Variants in TTLL11 observed in about 807,000 individuals in gnomAD.
The protein encoded by TTLL11 is tubulin tyrosine ligase like 11.
A neutral mutation model predicts 51.7 loss-of-function variants in TTLL11; 42 were observed. The ratio of observed to expected loss-of-function variants is 0.81; its 90% CI spans 0.64 to 1.05. The LOEUF (loss-of-function observed/expected upper bound fraction) is 1.05. Among genes scored for constraint, TTLL11 ranks in the 50% least tolerant of loss-of-function variants. TTLL11 has a pLI of 0.00. For missense variants in TTLL11, 799 were observed against 940.4 expected, an observed-to-expected ratio of 0.85 and a Z score of 1.97; for synonymous variants, 381 against 383.5, an observed-to-expected ratio of 0.99 and a Z score of 0.08.
intron 7 of TTLL11, among the ~76,000 whole-genome samples, chr9:121,868,416 G>GT (rs1344522064): frequency 1.3e-5 from 2 of 152,216 alleles, no homozygotes; most frequent in African/African-American, 4.8e-5. Flanking sequence ...GTGGTAGCCA[G>GT]TAAGATGGAA....
At chr9:122,006,992 A>AC (rs1450788271) in intron 3 of TTLL11, among the ~76,000 whole-genome samples, 207 of 142,534 alleles carry the variant, frequency 1.5e-3, no homozygotes, top group African/African-American at 5.8e-3. Context: ...AAAAAAAAAA[A>AC]AAAAAAAAAA....
intron 6 of TTLL11, among the ~76,000 whole-genome samples, chr9:121,895,689 ATGTGTGAT>A (rs1221268647): frequency 1.2e-4 from 1 of 8,682 alleles, no homozygotes; most frequent in Non-Finnish European, 2.4e-4. Context: ...GTCTGTGTGA[ATGTGTGAT>A]TGTGTGGGTT....
At chr9:121,911,234 G>A (rs1164672021) in intron 6 of TTLL11, among the ~76,000 whole-genome samples, 1 of 151,984 alleles carries the variant, frequency 6.6e-6, no homozygotes, top group Non-Finnish European at 1.5e-5. Flanking sequence ...TGTCTCTACT[G>A]AAAATACAAA....
chr9:122,084,428 C>T (rs960184605), intron 1 of TTLL11, among the ~76,000 whole-genome samples: 2 of 152,084 alleles, frequency 1.3e-5, no homozygotes, highest in African/African-American at 4.8e-5. Flanking sequence ...CAATTTGATA[C>T]GAGGAGGAAG....
rs1441643328 is a variant in TTLL11 at position 122,013,284 on chromosome 9, TGA to T, written c.693+18437_693+18438del. ...ATAGCATATTTTAGGGTCCTATAAT[TGA>T]GAGAGTACAGGATTGGGATCAGAGG... On this transcript the variant is annotated intron_variant, in intron 3 of 8. Transcript: ENST00000321582. Among the ~76,000 whole-genome samples the T allele has an allele frequency of 2.0e-5, 3 of 152,240 alleles. No homozygotes were observed. In the East Asian group the frequency reaches 5.8e-4, roughly 29 times the overall value.
intron 6 of TTLL11, among the ~76,000 whole-genome samples, chr9:121,960,749 T>C (rs1210622099): frequency 1.3e-5 from 2 of 151,872 alleles, no homozygotes; most frequent in African/African-American, 4.8e-5. Flanking sequence ...GGGAAGAAAA[T>C]GATCCTCTCT....
At chr9:121,835,419 G>T (rs1474952070) in intron 8 of TTLL11, among the ~76,000 whole-genome samples, 1 of 152,136 alleles carries the variant, frequency 6.6e-6, no homozygotes, top group Non-Finnish European at 1.5e-5. Flanking sequence ...CCCCAACCCA[G>T]ATGGAAATCT....
At chr9:122,065,174 G>A (rs765120673) in intron 1 of TTLL11, among the ~76,000 whole-genome samples, 3 of 152,212 alleles carry the variant, frequency 2.0e-5, no homozygotes, top group Non-Finnish European at 4.4e-5. Context: ...GATCAGACAA[G>A]TTTGGGAGAT....
At chr9:121,954,411 C>G (rs1416270248) in intron 6 of TTLL11, among the ~76,000 whole-genome samples, 1 of 152,218 alleles carries the variant, frequency 6.6e-6, no homozygotes, top group African/African-American at 2.4e-5. Flanking sequence ...TGAATCCAGG[C>G]TGAGGATAAA....
intron 6 of TTLL11, among the ~76,000 whole-genome samples, chr9:121,938,955 A>AT (rs1841341886): frequency 6.6e-6 from 1 of 152,218 alleles, no homozygotes; most frequent in South Asian, 2.1e-4. Flanking sequence ...GCAAGGGATA[A>AT]GGCAGCAAAC....
intron 8 of TTLL11, among the ~76,000 whole-genome samples, chr9:121,827,201 G>A (rs1474198144): frequency 6.6e-6 from 1 of 152,064 alleles, no homozygotes; most frequent in African/African-American, 2.4e-5. Flanking sequence ...AATCTTCCGA[G>A]GGAGTCCAGT....
At chr9:121,960,988 G>A (rs990975611) in intron 6 of TTLL11, among the ~76,000 whole-genome samples, 2 of 152,126 alleles carry the variant, frequency 1.3e-5, no homozygotes, top group Non-Finnish European at 2.9e-5. Flanking sequence ...TTAAAGTGAA[G>A]GAAGAAATGG....
chr9:122,052,642 A>C (rs1173465341), intron 1 of TTLL11, among the ~76,000 whole-genome samples: 1 of 152,202 alleles, frequency 6.6e-6, no homozygotes, highest in African/African-American at 2.4e-5. Flanking sequence ...TCCTTCATCC[A>C]TCTTTCTGTT....
intron 6 of TTLL11, among the ~76,000 whole-genome samples, chr9:121,898,253 C>T (rs1291889477): frequency 6.6e-6 from 1 of 152,042 alleles, no homozygotes; most frequent in Non-Finnish European, 1.5e-5. Context: ...ACCACCCCCA[C>T]CCCCACAGAG....
chr9:121,878,390 C>T (rs1035784966), intron 6 of TTLL11, among the ~76,000 whole-genome samples: 5 of 152,162 alleles, frequency 3.3e-5, no homozygotes, highest in Non-Finnish European at 7.3e-5. Flanking sequence ...ACTTTACATT[C>T]CGGGCTCCCA....
rs147427566 is a variant in TTLL11 at position 121,908,277 on chromosome 9, A to G, written c.1482-37529T>C. ...GAACAATCTCAGTTTTCCCATCTGT[A>G]AAATGAGCAGGCTGGAATACATGAC... On this transcript the variant is annotated intron_variant, in intron 6 of 8. Transcript: ENST00000321582. Among the ~76,000 whole-genome samples the G allele has an allele frequency of 7.2e-5, 11 of 152,342 alleles. No individual in the cohort carries two copies. The East Asian group carries it at 1.9e-3, about 27-fold the overall frequency.
At chr9:121,973,765 A>G (rs1482694323) in intron 6 of TTLL11, among the ~76,000 whole-genome samples, 1 of 152,152 alleles carries the variant, frequency 6.6e-6, no homozygotes, top group East Asian at 1.9e-4. Flanking sequence ...AAAGGAAGAG[A>G]CATTCCAGAT....
chr9:122,016,262 A>G (rs1011465257), intron 3 of TTLL11, among the ~76,000 whole-genome samples: 1 of 152,188 alleles, frequency 6.6e-6, no homozygotes, highest in African/African-American at 2.4e-5. Context: ...GCCATTGAGT[A>G]TCTAATAAAA....
intron 1 of TTLL11, among the ~76,000 whole-genome samples, chr9:122,063,668 A>G (rs1344163686): frequency 6.7e-6 from 1 of 150,050 alleles, no homozygotes; most frequent in East Asian, 1.9e-4. Context: ...TGTTCTTAAA[A>G]CAACAGAAAA....
Sources: gnomAD v4.1 joint callset for allele counts (sites outside exome capture counted in the v4.1 genomes callset) on GRCh38, gnomAD v4.1.1 for gene constraint, MANE v1.5 for transcripts, NCBI Gene and HGNC (gene_info 2026-07-23, HGNC 2026-07-21) for gene names.